The following KIRREL3 variants were observed in gnomAD, a reference collection of about 807,000 sequenced individuals.
KIRREL3 encodes kirre like nephrin family adhesion molecule 3, also known as kin of IRRE-like protein 3.
In KIRREL3, 36 loss-of-function variants were observed where a neutral mutation model predicts 89.7. The ratio of observed to expected loss-of-function variants is 0.40; its 90% CI spans 0.31 to 0.53. KIRREL3 has a LOEUF of 0.53. Among genes scored for constraint, KIRREL3 ranks in the 20% least tolerant of loss-of-function variants. The pLI is 0.49. For synonymous variants in KIRREL3, 445 were observed against 441.4 expected (o/e 1.01, Z -0.10); for missense variants, 864 against 1,056.6 (o/e 0.82, Z 2.53).
chr11:126,811,211 C>T lies in KIRREL3; in HGVS notation c.55+189244G>A, dbSNP rs1332947983. ...CTGACAGTTCACAATTCTGTCTTTC[C>T]TCCTGCTGAGAATTCTTCTGTTTTC... On this transcript the variant is annotated intron_variant, in intron 1 of 16. Coordinates refer to ENST00000525144, the MANE Select transcript of KIRREL3 (RefSeq NM_032531.4). This position sits in a 1 kb window ranked among gnomAD's most constrained non-coding sequence, Gnocchi z 4.3. Among the ~76,000 whole-genome samples, 2 of 152,202 alleles carry T rather than the reference C, an allele frequency of 1.3e-5. No individual in the cohort carries two copies. Among genetic ancestry groups the T allele is most frequent in the African/African-American group, 2.4e-5 (1 of 41,450 alleles).
In KIRREL3 at chr11:126,696,865, C is replaced by T. The variant is rs1947119343; in HGVS notation, c.56-133953G>A. ...GCGCTTACATCCAGACACTACTGTA[C>T]CACTTGCTTTCCGGGCAGATTATCT... On this transcript the variant is annotated intron_variant, in intron 1 of 16. Coordinates refer to ENST00000525144, the MANE Select transcript of KIRREL3 (RefSeq NM_032531.4). This position sits in a 1 kb window ranked among gnomAD's most constrained non-coding sequence, Gnocchi z 4.4. Among the ~76,000 whole-genome samples, 1 of 152,188 alleles carries T rather than the reference C, an allele frequency of 6.6e-6. No individual in the cohort carries two copies. Among genetic ancestry groups the T allele is most frequent in the Non-Finnish European group, 1.5e-5 (1 of 68,032 alleles).
chr11:126,639,891 GC>G lies in KIRREL3; in HGVS notation c.56-76980del, dbSNP rs1944404172. The stretch of plus-strand genomic sequence containing the variant: ...CTTCATGGCCATCCAATCCAATCTG[GC>G]TTGTAGAATAGAAAGGCCACTTGCT... On this transcript the variant is annotated intron_variant, in intron 1 of 16. Coordinates refer to ENST00000525144, the MANE Select transcript of KIRREL3 (RefSeq NM_032531.4). The surrounding 1 kb of genome is among the most constrained non-coding windows in gnomAD (Gnocchi z 4.3). 6.6e-6 allele frequency among the ~76,000 whole-genome samples: 1 copy of G among 152,174 alleles called. No individual in the cohort carries two copies. Among genetic ancestry groups the G allele is most frequent in the African/African-American group, 2.4e-5 (1 of 41,428 alleles).
upstream of KIRREL3, among the ~76,000 whole-genome samples, chr11:127,002,730 A>G (rs763545496): frequency 1.3e-5 from 2 of 152,156 alleles, no homozygotes; most frequent in Non-Finnish European, 2.9e-5. Flanking sequence ...CGTTTTAACT[A>G]AAGATTTATC....
chr11:126,702,491 G>A (rs1049445170), intron 1 of KIRREL3, among the ~76,000 whole-genome samples: 6 of 152,182 alleles, frequency 3.9e-5, no homozygotes, highest in East Asian at 1.9e-4. Context: ...AGAGGCTGAC[G>A]TCAGGGAGAG....
At chr11:126,938,063 A>G (rs150393649) in intron 1 of KIRREL3, among the ~76,000 whole-genome samples, 54 of 152,336 alleles carry the variant, frequency 3.5e-4, no homozygotes, top group African/African-American at 1.3e-3. Context: ...AAGCCATGTT[A>G]AGAGAAACAA....
intron 1 of KIRREL3, among the ~76,000 whole-genome samples, chr11:126,815,556 C>T (rs1037952034): frequency 4.8e-4 from 73 of 152,234 alleles, no homozygotes; most frequent in Middle Eastern, 3.4e-3. Flanking sequence ...TTTTTTGAGG[C>T]GGAGTCTCCC....
intron 1 of KIRREL3, chr11:126,920,086 C>G (rs999891248): frequency 3.3e-5 from 5 of 152,184 alleles, no homozygotes; most frequent in Non-Finnish European, 7.3e-5. Flanking sequence ...GTACTTGTCA[C>G]TTGTCATTCT....
chr11:126,496,035 G>C lies in KIRREL3; in HGVS notation c.434-22569C>G, dbSNP rs1269438219. ...TGCATAGCCCAGGCAACAGACATGT[G>C]ACCCCAGCCCCTCCTATGTCTGATT... On this transcript the variant is annotated intron_variant, in intron 4 of 16. Transcript: ENST00000525144. This position sits in a 1 kb window ranked among gnomAD's most constrained non-coding sequence, Gnocchi z 4.9. 6.6e-6 allele frequency among the ~76,000 whole-genome samples: 1 copy of C among 152,160 alleles called. No homozygotes were observed. Among genetic ancestry groups the C allele is most frequent in the African/African-American group, 2.4e-5 (1 of 41,436 alleles).
intron 1 of KIRREL3, among the ~76,000 whole-genome samples, chr11:126,822,876 T>C (rs1483277506): frequency 6.6e-6 from 1 of 152,164 alleles, no homozygotes; most frequent in Non-Finnish European, 1.5e-5. Flanking sequence ...GACTCACACC[T>C]GCACCAGGAA....
intron 1 of KIRREL3, among the ~76,000 whole-genome samples, chr11:126,721,267 A>G (rs1225271304): frequency 6.6e-6 from 1 of 152,182 alleles, no homozygotes; most frequent in Non-Finnish European, 1.5e-5. Flanking sequence ...ATGGTGGCTC[A>G]TGCCTGTAGT....
At position 126,924,188 on chromosome 11, in the gene KIRREL3, C is replaced by A. The variant is rs930204271; in HGVS notation, c.55+76267G>T. On this transcript the variant is annotated intron_variant, in intron 1 of 16. Coordinates refer to ENST00000525144, the MANE Select transcript of KIRREL3 (RefSeq NM_032531.4). The surrounding 1 kb of genome is among the most constrained non-coding windows in gnomAD (Gnocchi z 4.7). ...ATCCTGTCCCCTGGGTTCCTTCCCCCTTTCCCTGGCTCAGGCCACCATCAC... is the reference window on the plus strand; with the variant it reads ...ATCCTGTCCCCTGGGTTCCTTCCCCATTTCCCTGGCTCAGGCCACCATCAC... 6.6e-6 allele frequency among the ~76,000 whole-genome samples: 1 copy of A among 152,226 alleles called. No individual in the cohort carries two copies. Among genetic ancestry groups the A allele is most frequent in the Non-Finnish European group, 1.5e-5 (1 of 68,042 alleles).
Position 126,953,728 on chromosome 11 carries a change from A to T in KIRREL3, c.55+46727T>A, listed in dbSNP as rs1948840165. On this transcript the variant is annotated intron_variant, in intron 1 of 16. Transcript: ENST00000525144. The surrounding 1 kb of genome is among the most constrained non-coding windows in gnomAD (Gnocchi z 5.2). ...TTTTGCAAAAGAGTAATTCTGACACATTTAAACCACAGACTAGCAGGAAAG... is the reference window on the plus strand; with the variant it reads ...TTTTGCAAAAGAGTAATTCTGACACTTTTAAACCACAGACTAGCAGGAAAG... Among the ~76,000 whole-genome samples, 1 of 152,182 alleles carries T rather than the reference A, an allele frequency of 6.6e-6. No individual in the cohort carries two copies. Among genetic ancestry groups the T allele is most frequent in the Non-Finnish European group, 1.5e-5 (1 of 68,032 alleles).
chr11:126,502,479 G>A (rs1957892779), intron 4 of KIRREL3, among the ~76,000 whole-genome samples: 1 of 152,222 alleles, frequency 6.6e-6, no homozygotes, highest in South Asian at 2.1e-4. Context: ...CTGGTTCACA[G>A]CGAGTGCTAA....
At chr11:126,821,351 A>ATATATATATATATATATG (rs756545626) in intron 1 of KIRREL3, among the ~76,000 whole-genome samples, 5 of 105,268 alleles carry the variant, frequency 4.7e-5, no homozygotes, top group African/African-American at 2.2e-4. Context: ...ATATATATAT[A>ATATATATATATATATATG]TGTAACTTCC....
intron 9 of KIRREL3, 42 bp from the exon 10 acceptor site, chr11:126,445,147 G>C (rs376558662): frequency 1.2e-6 from 2 of 1,607,940 alleles, no homozygotes; most frequent in East Asian, 4.5e-5. Context: ...GCAGGCGGAG[G>C]GGTGCACTCT....
At position 126,905,221 on chromosome 11, in the gene KIRREL3, T is replaced by C. The variant is rs1946530243; in HGVS notation, c.55+95234A>G. Reference sequence around the variant, plus strand: ...CAGGGCTTGGCTTACTTCCAATAAGTCACCTTCCATGGCAAGGGGAGGGTG... The same window carrying C: ...CAGGGCTTGGCTTACTTCCAATAAGCCACCTTCCATGGCAAGGGGAGGGTG... On this transcript the variant is annotated intron_variant, in intron 1 of 16. Coordinates refer to ENST00000525144, the MANE Select transcript of KIRREL3 (RefSeq NM_032531.4). The surrounding 1 kb of genome is among the most constrained non-coding windows in gnomAD (Gnocchi z 5.0). Among the ~76,000 whole-genome samples, 3 of 152,032 alleles carry C rather than the reference T, an allele frequency of 2.0e-5. 1 individual carries two copies. In the South Asian group the frequency reaches 6.2e-4, roughly 32 times the overall value.
chr11:126,858,663 G>A (rs1944613970), intron 1 of KIRREL3, among the ~76,000 whole-genome samples: 1 of 152,082 alleles, frequency 6.6e-6, no homozygotes, highest in South Asian at 2.1e-4. Flanking sequence ...TGTGTGTGTG[G>A]TTTTCTGTAT....
At chr11:126,971,694 C>T (rs772133391) in intron 1 of KIRREL3, among the ~76,000 whole-genome samples, 6 of 152,294 alleles carry the variant, frequency 3.9e-5, no homozygotes, top group Middle Eastern at 3.4e-3. Context: ...TGTCATAAAT[C>T]GTCTGTAACC....
upstream of KIRREL3, chr11:127,002,908 G>C (rs906431899): frequency 5.3e-5 from 8 of 152,108 alleles, no homozygotes; most frequent in African/African-American, 1.9e-4. Context: ...CTCCACACTC[G>C]CACTGACTCT....
Sources: allele counts gnomAD v4.1 joint callset (sites outside exome capture counted in the v4.1 genomes callset), GRCh38; gene constraint gnomAD v4.1.1; non-coding constraint Gnocchi (gnomAD v3.1); transcripts MANE v1.5; gene names NCBI Gene and HGNC (gene_info 2026-07-23, HGNC 2026-07-21).